ADAM2: variants seen among roughly 807,000 people sequenced by gnomAD.
ADAM2 encodes ADAM metallopeptidase domain 2.
A neutral mutation model predicts 99.3 loss-of-function variants in ADAM2; 101 were observed. That is an observed-to-expected ratio of 1.02 (90% CI 0.87 to 1.20). The LOEUF is 1.20. Among genes scored for constraint, ADAM2 ranks in the 50% most tolerant of loss-of-function variants. ADAM2 has a pLI of 0.00. For missense variants in ADAM2, 948 were observed against 878.7 expected (o/e 1.08, Z -1.00); for synonymous variants, 323 against 287.6 (o/e 1.12, Z -1.25).
At chr8:39,819,290 T>C (rs558607118) in intron 6 of ADAM2, among the ~76,000 whole-genome samples, 1 of 152,148 alleles carries the variant, frequency 6.6e-6, no homozygotes, top group African/African-American at 2.4e-5. Context: ...AATAATCTCT[T>C]CAACAAATGG....
Position 39,837,986 on chromosome 8 carries a change from C to T in ADAM2, c.55+145G>A. ...CTACGTGGATTTTGGGTGGGGAAGG[C>T]GGCAATGTCGGGGATGAGCTTGGAA... On this transcript the variant is annotated intron_variant, in intron 1 of 20. Coordinates refer to ENST00000265708, the MANE Select transcript of ADAM2 (RefSeq NM_001464.5). The T allele has an allele frequency of 4.8e-6, 4 of 837,472 alleles. No homozygotes were observed. In the South Asian group the frequency reaches 4.9e-5, roughly 10 times the overall value. 51.9% of individuals were successfully genotyped at this position (837,472 alleles called of 1,614,324 possible).
chr8:39,782,983 T>C (rs1803295961), intron 10 of ADAM2, among the ~76,000 whole-genome samples: 1 of 152,156 alleles, frequency 6.6e-6, no homozygotes, highest in Non-Finnish European at 1.5e-5. Context: ...ACTGACCTTA[T>C]TTTTATTTAT....
rs1430615944 is a variant in ADAM2, at chr8:39,755,862, A to T, written c.1663T>A (p.Leu555Ile). Residue 555 changes from leucine (L) to isoleucine (I), a missense_variant, in exon 16 of 21, where the codon TTA becomes ATA. By Grantham distance (5) the Leu-to-Ile change is conservative. Transcript: ENST00000265708. ...LICKYVGKFL[L>I]QIPRATIIYA... ...ATAATAGTGGCTCTTGGAATTTGTA[A>T]TAAAAATTTACCTACATATTTACAT... The T allele has an allele frequency of 6.3e-7, 1 of 1,591,654 alleles. No homozygotes were observed. The highest frequency in any genetic ancestry group is 2.2e-5 in the East Asian group (1 of 44,654).
At chr8:39,815,358 T>C (rs574985896) in intron 6 of ADAM2, among the ~76,000 whole-genome samples, 11 of 152,306 alleles carry the variant, frequency 7.2e-5, no homozygotes, top group African/African-American at 2.6e-4. Context: ...GGTTATAGGA[T>C]CTTTCTGTTT....
Position 39,744,985 on chromosome 8 carries a change from T to C in ADAM2, c.2175-92A>G, listed in dbSNP as rs1053836154. 2.4e-5 allele frequency: 24 copies of C among 996,738 alleles called. 1 individual carries two copies. In the Admixed American group the frequency reaches 5.3e-4, roughly 22 times the overall value. The allele number at this position is 996,738 out of a possible 1,614,324, so 61.7% of individuals were successfully genotyped here. On this transcript the variant is annotated intron_variant, in intron 19 of 20. Coordinates refer to ENST00000265708, the MANE Select transcript of ADAM2 (RefSeq NM_001464.5). ...CTGTCAGTCTTGAAACAGTTCTGAA[T>C]TTTTACCTAAGAACTGGGTTCACCC...
intron 6 of ADAM2, among the ~76,000 whole-genome samples, chr8:39,813,162 T>C (rs1315961306): frequency 6.6e-6 from 1 of 152,062 alleles, no homozygotes; most frequent in Admixed American, 6.5e-5. Context: ...AACAGACAGA[T>C]GAAAAAATGC....
At chr8:39,753,772 T>A (rs1802045929) in intron 16 of ADAM2, among the ~76,000 whole-genome samples, 1 of 151,840 alleles carries the variant, frequency 6.6e-6, no homozygotes, top group Non-Finnish European at 1.5e-5. Flanking sequence ...ATCCATTACC[T>A]CCTTAAAGCA....
intron 4 of ADAM2, 84 bp from the exon 5 acceptor site, chr8:39,821,746 T>C: frequency 1.1e-6 from 1 of 924,394 alleles, no homozygotes; most frequent in Non-Finnish European, 1.7e-6. Context: ...TATATGTGTT[T>C]TGTTTTTATG....
At chr8:39,825,120 C>G (rs1000556765) in intron 3 of ADAM2, among the ~76,000 whole-genome samples, 2 of 152,180 alleles carry the variant, frequency 1.3e-5, no homozygotes, top group Admixed American at 6.5e-5. Flanking sequence ...ACACAACAGG[C>G]AAGCTTGGAC....
intron 6 of ADAM2, among the ~76,000 whole-genome samples, chr8:39,816,959 C>T (rs1804969138): frequency 6.6e-6 from 1 of 152,124 alleles, no homozygotes; most frequent in Non-Finnish European, 1.5e-5. Context: ...TTTGTCAACT[C>T]CTAATTAGAC....
intron 14 of ADAM2, 146 bp from the exon 15 acceptor site, chr8:39,761,427 T>A: frequency 2.1e-6 from 1 of 474,146 alleles, no homozygotes; most frequent in Non-Finnish European, 3.6e-6. Context: ...AAACTAGATT[T>A]AAGATCACAC....
intron 3 of ADAM2, among the ~76,000 whole-genome samples, chr8:39,828,898 A>AT (rs1449746925): frequency 5.9e-5 from 9 of 151,940 alleles, no homozygotes; most frequent in Admixed American, 2.0e-4. Flanking sequence ...AAAAGGCTTT[A>AT]TCTTTAGGCT....
intron 14 of ADAM2, among the ~76,000 whole-genome samples, chr8:39,763,672 C>G (rs985587014): frequency 1.3e-5 from 2 of 152,254 alleles, no homozygotes; most frequent in African/African-American, 2.4e-5. Context: ...AACCGACGCT[C>G]TTATTCTTGT....
At chr8:39,823,572 T>C (rs968674080) in intron 4 of ADAM2, among the ~76,000 whole-genome samples, 18 of 151,950 alleles carry the variant, frequency 1.2e-4, no homozygotes, top group African/African-American at 4.3e-4. Flanking sequence ...TGGTTACCTC[T>C]TGGGAGGTAG....
chr8:39,809,939 C>T (rs551775955), intron 6 of ADAM2, among the ~76,000 whole-genome samples: 1 of 152,180 alleles, frequency 6.6e-6, no homozygotes, highest in Admixed American at 6.5e-5. Flanking sequence ...ACAATATTAA[C>T]CTTAAATGCA....
chr8:39,755,181 A>G (rs1802100050), intron 16 of ADAM2, among the ~76,000 whole-genome samples: 1 of 152,210 alleles, frequency 6.6e-6, no homozygotes, highest in African/African-American at 2.4e-5. Context: ...AATACAGTAA[A>G]TGAACAACGC....
intron 7 of ADAM2, among the ~76,000 whole-genome samples, chr8:39,794,506 AAAAGGCAG>A (rs1476843452): frequency 6.6e-6 from 1 of 152,130 alleles, no homozygotes; most frequent in Non-Finnish European, 1.5e-5. Flanking sequence ...AGTAAAAACT[AAAAGGCAG>A]AAATGAAATC....
intron 7 of ADAM2, among the ~76,000 whole-genome samples, chr8:39,808,299 C>T (rs1425768382): frequency 6.8e-6 from 1 of 147,046 alleles, no homozygotes; most frequent in Non-Finnish European, 1.5e-5. Flanking sequence ...ACCAAATGAA[C>T]AATCAAAATG....
At chr8:39,798,294 A>G (rs1188391295) in intron 7 of ADAM2, among the ~76,000 whole-genome samples, 1 of 152,218 alleles carries the variant, frequency 6.6e-6, no homozygotes, top group Non-Finnish European at 1.5e-5. Flanking sequence ...CTAGTGAGAT[A>G]ATCATATGGT....
Sources: allele counts gnomAD v4.1 joint callset (sites outside exome capture counted in the v4.1 genomes callset), GRCh38; gene constraint gnomAD v4.1.1; transcripts MANE v1.5; gene names NCBI Gene and HGNC (gene_info 2026-07-23, HGNC 2026-07-21).